CYP2R1: variants seen among roughly 807,000 people sequenced by gnomAD.
CYP2R1 encodes cytochrome P450 family 2 subfamily R member 1.
CYP2R1 carries 40 observed loss-of-function variants against 45.7 expected under a neutral mutation model. The observed-to-expected ratio is 0.87, with a 90% CI of 0.68 to 1.14. The LOEUF (loss-of-function observed/expected upper bound fraction) is 1.14, where lower values mean the gene tolerates loss of function less well. CYP2R1 is among the 50% of genes most tolerant of loss of function. The pLI, the probability that CYP2R1 is intolerant of heterozygous loss-of-function variation, is 0.00. For synonymous variants in CYP2R1, 234 were observed against 219.3 expected, an observed-to-expected ratio of 1.07 and a Z score of -0.59; for missense variants, 605 against 602.6, an observed-to-expected ratio of 1.00 and a Z score of -0.04.
intron 2 of CYP2R1, among the ~76,000 whole-genome samples, chr11:14,882,987 G>A (rs1848451576): frequency 6.6e-6 from 1 of 152,252 alleles, no homozygotes; most frequent in Admixed American, 6.5e-5. Context: ...GGATGTGAAG[G>A]ACCTCTTCAA....
chr11:14,880,572 T>A lies in CYP2R1; in HGVS notation c.564A>T (p.Ser188=), dbSNP rs782640540. The change falls in exon 3 of 5, where the codon TCA becomes TCT. Residue 188 remains serine (S), a synonymous_variant. Transcript: ENST00000334636. ...CAAAAATGATCAGATTGGTTATGTT[T>A]GAAACAGCATTCGTTATTAACTGTT... ...DFKQLITNAV[S]NITNLIIFGE... is the part of the protein sequence containing the mutation. 1 of 1,613,282 alleles carries A rather than the reference T, an allele frequency of 6.2e-7. No individual in the cohort carries two copies. The highest frequency in any genetic ancestry group is 1.3e-5 in the African/African-American group (1 of 74,894).
Position 14,879,174 on chromosome 11 carries a change from G to C in CYP2R1, c.1270C>G (p.Arg424Gly). The change falls in exon 4 of 5, where the codon CGA becomes GGA. Residue 424 changes from arginine to glycine, a missense_variant. Physicochemically the swap from Arg to Gly is moderately radical, Grantham distance 125. Transcript: ENST00000334636. ...AAATATCCACTGCTGTCCAGAAATC[G>C]CTCAGGATGGAACACTTCTGGGTCT... is the stretch of plus-strand genomic sequence containing the variant. ...WRDPEVFHPE[R>G]FLDSSGYFAK... 6.2e-7 allele frequency: 1 copy of C among 1,613,146 alleles called. No homozygotes were observed. Among genetic ancestry groups the C allele is most frequent in the Non-Finnish European group, 8.5e-7 (1 of 1,179,458 alleles).
rs781875625 is a variant in CYP2R1, at chr11:14,878,264, C to T, written c.1364G>A (p.Arg455Gln). 1.3e-5 allele frequency: 21 copies of T among 1,612,954 alleles called. No individual in the cohort carries two copies. The highest frequency in any genetic ancestry group is 2.7e-5 in the African/African-American group (2 of 74,924). Residue 455 changes from arginine (R) to glutamine (Q), a missense_variant, in exon 5 of 5, where the codon CGG becomes CAG. Physicochemically the swap from Arg to Gln is conservative, Grantham distance 43. Coordinates refer to ENST00000334636, the MANE Select transcript of CYP2R1 (RefSeq NM_024514.5). ...RRHCLGEHLA[R>Q]MEMFLFFTAL... ...TGTAAAAAACAAGAACATTTCCATC[C>T]GAGCCAAGTGTTCTCCAAGACAATG... is the stretch of plus-strand genomic sequence containing the variant.
rs782205438 is a variant in CYP2R1, at chr11:14,880,409, G to GT, written c.726dup (p.His243ThrfsTer6). On this transcript the variant is annotated frameshift_variant, in exon 3 of 5. Transcript: ENST00000334636. LOFTEE classifies it high-confidence loss of function. ...GCTGCATTTCTAAACAGCTGTTGATGTTTTCCAAAAGGCAGGATGCCAATC... is the reference window on the plus strand; with the variant it reads ...GCTGCATTTCTAAACAGCTGTTGATGTTTTTCCAAAAGGCAGGATGCCAATC... The GT allele has an allele frequency of 1.9e-6, 3 of 1,613,384 alleles. No homozygotes were observed. Among genetic ancestry groups the GT allele is most frequent in the Non-Finnish European group, 2.5e-6 (3 of 1,179,666 alleles).
At chr11:14,890,281 C>G (rs1381583025) in intron 1 of CYP2R1, among the ~76,000 whole-genome samples, 1 of 151,344 alleles carries the variant, frequency 6.6e-6, no homozygotes, top group East Asian at 1.9e-4. Flanking sequence ...GACCTCTAGT[C>G]TTATGCTTTC....
chr11:14,879,446 G>C lies in CYP2R1; in HGVS notation c.1001-3C>G. On this transcript the variant is annotated splice_polypyrimidine_tract_variant and splice_region_variant and intron_variant, in intron 3 of 4. Coordinates refer to ENST00000334636, the MANE Select transcript of CYP2R1 (RefSeq NM_024514.5). ...ATCAATCTCTTTCTGAACTTGTCCT[G>C]TCAGAGAAAAAGTATTCAAGTTATT... The C allele has an allele frequency of 6.3e-7, 1 of 1,595,778 alleles. No homozygotes were observed. The highest frequency in any genetic ancestry group is 1.1e-5 in the South Asian group (1 of 90,668).
At position 14,880,476 on chromosome 11, in the gene CYP2R1, T is replaced by G. The variant is rs782147739; in HGVS notation, c.660A>C (p.Leu220=). The G allele has an allele frequency of 6.2e-7, 1 of 1,613,406 alleles. No individual in the cohort carries two copies. Among genetic ancestry groups the G allele is most frequent in the Non-Finnish European group, 8.5e-7 (1 of 1,179,708 alleles). Residue 220 remains leucine (L), a synonymous_variant, in exon 3 of 5, where the codon CTA becomes CTC. Transcript: ENST00000334636. ...ACAAGAAGACTGAGGCACTGGCAGC[T>G]AGTTCCACATTTTCACTAAATAACT... ...MIELFSENVE[L]AASASVFLYN...
intron 1 of CYP2R1, among the ~76,000 whole-genome samples, chr11:14,889,849 C>T (rs986019358): frequency 2.9e-4 from 44 of 152,188 alleles, no homozygotes; most frequent in African/African-American, 1.0e-3. Context: ...ATAACATAGG[C>T]CGGGCGCAGT....
chr11:14,888,073 C>T (rs1555015298), intron 1 of CYP2R1, among the ~76,000 whole-genome samples: 1 of 152,146 alleles, frequency 6.6e-6, no homozygotes, highest in African/African-American at 2.4e-5. Flanking sequence ...TTTCCTTTGT[C>T]TTTGTTCAGA....
In CYP2R1 at chr11:14,878,080, G is replaced by A. The variant is rs781961850; in HGVS notation, c.*42C>T. On this transcript the variant is annotated 3_prime_UTR_variant, in exon 5 of 5. Coordinates refer to ENST00000334636, the MANE Select transcript of CYP2R1 (RefSeq NM_024514.5). ...TTGATTAAACCAAGTTCAGGGATAA[G>A]GCAAATATACATTCTTGTTCCCGAA... 2.1e-5 allele frequency: 33 copies of A among 1,604,402 alleles called. No homozygotes were observed. The highest frequency in any genetic ancestry group is 1.7e-4 in the Middle Eastern group (1 of 6,022).
intron 1 of CYP2R1, among the ~76,000 whole-genome samples, chr11:14,888,993 A>C (rs539535124): frequency 6.6e-6 from 1 of 152,316 alleles, no homozygotes; most frequent in South Asian, 2.1e-4. Context: ...AGGAAATGGT[A>C]ATTTTCAGTG....
intron 3 of CYP2R1, among the ~76,000 whole-genome samples, chr11:14,879,786 A>G (rs1438425364): frequency 1.3e-5 from 2 of 152,176 alleles, no homozygotes; most frequent in Non-Finnish European, 2.9e-5. Flanking sequence ...GACATAAGTA[A>G]TAAGAATAAA....
chr11:14,891,653 C>T (rs1555017048), intron 1 of CYP2R1: 7 of 1,157,904 alleles, frequency 6.0e-6, no homozygotes. Context: ...CACCCTGGAC[C>T]TGAAGTGGCG....
At chr11:14,882,677 G>C (rs1271531891) in intron 2 of CYP2R1, among the ~76,000 whole-genome samples, 1 of 152,106 alleles carries the variant, frequency 6.6e-6, no homozygotes, top group Non-Finnish European at 1.5e-5. Context: ...TGGAAGTTCT[G>C]GCCAGGGCAA....
At chr11:14,881,889 T>A (rs1174221319) in intron 2 of CYP2R1, among the ~76,000 whole-genome samples, 1 of 152,108 alleles carries the variant, frequency 6.6e-6, no homozygotes, top group Non-Finnish European at 1.5e-5. Context: ...CAGCCTCGGG[T>A]ATTTCTTTAT....
chr11:14,892,363 A>G (rs1848896885), upstream of CYP2R1: 5 of 689,152 alleles, frequency 7.3e-6, no homozygotes, highest in Non-Finnish European at 9.7e-6. Flanking sequence ...CGGGACAACT[A>G]CCTTCTAGTT....
At chr11:14,882,483 G>A (rs543562161) in intron 2 of CYP2R1, among the ~76,000 whole-genome samples, 3 of 152,238 alleles carry the variant, frequency 2.0e-5, no homozygotes, top group African/African-American at 4.8e-5. Flanking sequence ...ATATACACAA[G>A]AAGGTACAGA....
At chr11:14,890,963 G>A (rs774968778) in intron 1 of CYP2R1, 66 of 985,304 alleles carry the variant, frequency 6.7e-5, no homozygotes, top group Non-Finnish European at 7.6e-5. Flanking sequence ...CACAGCCTGT[G>A]GCCGATAATG....
At chr11:14,892,251 G>C (rs1848893017), upstream of CYP2R1, 2 of 1,561,938 alleles carry the variant, frequency 1.3e-6, no homozygotes, top group Non-Finnish European at 8.7e-7. Flanking sequence ...CTGAGACCCA[G>C]GCACTCCCTC....
Sources: gnomAD v4.1 joint callset for allele counts (sites outside exome capture counted in the v4.1 genomes callset) on GRCh38, gnomAD v4.1.1 for gene constraint, MANE v1.5 for transcripts, NCBI Gene and HGNC (gene_info 2026-07-23, HGNC 2026-07-21) for gene names.